ANAPC1: variants seen among roughly 807,000 people sequenced by gnomAD.
The protein encoded by ANAPC1 is anaphase-promoting complex subunit 1.
A neutral mutation model predicts 208.0 loss-of-function variants in ANAPC1; 36 were observed. The observed-to-expected ratio is 0.17, with a 90% CI of 0.13 to 0.23. The LOEUF is 0.23. ANAPC1 is among the 10% of genes least tolerant of loss of function. The pLI is 1.00. For missense variants in ANAPC1, 942 were observed against 2,011.6 expected, an observed-to-expected ratio of 0.47 and a Z score of 10.17; for synonymous variants, 378 against 695.2, an observed-to-expected ratio of 0.54 and a Z score of 7.18.
intron 34 of ANAPC1, among the ~76,000 whole-genome samples, chr2:111,797,910 G>A: frequency 8.5e-6 from 1 of 118,076 alleles, no homozygotes; most frequent in Non-Finnish European, 1.8e-5. Context: ...GTCGATCCAT[G>A]GAAGAGAGGA....
At chr2:111,857,115 G>A (rs1452039993) in intron 11 of ANAPC1, 1 of 460,012 alleles carries the variant, frequency 2.2e-6, no homozygotes, top group Non-Finnish European at 4.0e-6. Context: ...AGATAAAGAT[G>A]TTTTGTATCT....
chr2:111,879,934 CAT>C (rs1462830896), intron 2 of ANAPC1, among the ~76,000 whole-genome samples: 3 of 151,982 alleles, frequency 2.0e-5, no homozygotes, highest in Non-Finnish European at 2.9e-5. Flanking sequence ...CCTTTAGAAA[CAT>C]GTAAATCTTC....
At position 111,867,418 on chromosome 2, in the gene ANAPC1, C is replaced by T. The variant is rs115819032; in HGVS notation, c.685+605G>A. ...ACAGAAGATAAAAAGCAGCTAGGCA[C>T]GGTGGCTCACCCCTGTAATCTCAGA... On this transcript the variant is annotated intron_variant, in intron 7 of 47. Coordinates refer to ENST00000341068, the MANE Select transcript of ANAPC1 (RefSeq NM_022662.4). 3.0e-3 allele frequency among the ~76,000 whole-genome samples: 451 copies of T among 149,986 alleles called. 2 individuals carry two copies. Among genetic ancestry groups the T allele is most frequent in the African/African-American group, 0.01 (411 of 40,908 alleles).
chr2:111,795,390 A>AAT (rs1678112437), intron 34 of ANAPC1, among the ~76,000 whole-genome samples: 1 of 143,050 alleles, frequency 7.0e-6, no homozygotes, highest in Non-Finnish European at 1.5e-5. Context: ...TCAAAAAAAA[A>AAT]AATAATAATA....
At chr2:111,842,408 C>T (rs957423001) in intron 17 of ANAPC1, among the ~76,000 whole-genome samples, 2 of 152,010 alleles carry the variant, frequency 1.3e-5, no homozygotes, top group African/African-American at 4.8e-5. Context: ...CTTTGGGAGG[C>T]TGAGACGGGC....
chr2:111,845,712 C>T (rs1681016742), intron 16 of ANAPC1, among the ~76,000 whole-genome samples: 1 of 152,108 alleles, frequency 6.6e-6, no homozygotes, highest in Non-Finnish European at 1.5e-5. Context: ...CGGTGGCTCA[C>T]GCCTGTAATC....
intron 1 of ANAPC1, among the ~76,000 whole-genome samples, chr2:111,882,162 C>T (rs1438174804): frequency 6.8e-6 from 1 of 147,646 alleles, no homozygotes; most frequent in African/African-American, 2.5e-5. Flanking sequence ...CCAGCCTGGG[C>T]AACAGAGCAA....
At position 111,847,737 on chromosome 2, in the gene ANAPC1, G is replaced by A. The variant is rs1162672694; in HGVS notation, c.1779C>T (p.Asn593=). Residue 593 remains asparagine (N), a synonymous_variant, in exon 15 of 48, where the codon AAC becomes AAT. Coordinates refer to ENST00000341068, the MANE Select transcript of ANAPC1 (RefSeq NM_022662.4). ...YIHSIRDPVH[N]RVTLELSNGS... ...TGTTTATACTTACCAGGGTGACTCTGTTATGGACAGGATCTCTGATAGAAT... is the reference window on the plus strand; with the variant it reads ...TGTTTATACTTACCAGGGTGACTCTATTATGGACAGGATCTCTGATAGAAT... The A allele has an allele frequency of 1.3e-6, 2 of 1,582,724 alleles. No homozygotes were observed. Among genetic ancestry groups the A allele is most frequent in the East Asian group, 4.6e-5 (2 of 43,804 alleles).
chr2:111,808,863 T>C, intron 29 of ANAPC1, 84 bp downstream of exon 29: 2 of 1,481,542 alleles, frequency 1.3e-6, no homozygotes, highest in Non-Finnish European at 1.9e-6. Context: ...CCTTAATTTT[T>C]ATAATTTTAC....
In ANAPC1 at chr2:111,843,024, G is replaced by A. The variant is rs553762420; in HGVS notation, c.2040+388C>T. Among the ~76,000 whole-genome samples, 33 of 152,298 alleles carry A rather than the reference G, an allele frequency of 2.2e-4. No individual in the cohort carries two copies. The South Asian group carries it at 3.9e-3, about 18-fold the overall frequency. Reference sequence around the variant, plus strand: ...GACAATCTTGTCTTCAGAAAACAATGTTAAACAAGGAGTCAGAAGATGCAG... The same window carrying A: ...GACAATCTTGTCTTCAGAAAACAATATTAAACAAGGAGTCAGAAGATGCAG... On this transcript the variant is annotated intron_variant, in intron 17 of 47. Coordinates refer to ENST00000341068, the MANE Select transcript of ANAPC1 (RefSeq NM_022662.4).
intron 9 of ANAPC1, among the ~76,000 whole-genome samples, 163 bp downstream of exon 9, chr2:111,863,511 CA>C (rs372062409): frequency 0.043 from 5,298 of 122,454 alleles, 254 homozygotes; most frequent in African/African-American, 0.12. Flanking sequence ...GACTCCGTCT[CA>C]AAAAAAAAAA....
intron 27 of ANAPC1, among the ~76,000 whole-genome samples, chr2:111,817,641 T>C (rs1262996461): frequency 6.6e-6 from 1 of 151,604 alleles, no homozygotes; most frequent in Non-Finnish European, 1.5e-5. Flanking sequence ...AGCACAAGCT[T>C]TTCACAAATC....
At chr2:111,813,356 A>G (rs1679086959) in intron 28 of ANAPC1, among the ~76,000 whole-genome samples, 1 of 151,742 alleles carries the variant, frequency 6.6e-6, no homozygotes, top group African/African-American at 2.4e-5. Context: ...TGAGGTAGGG[A>G]TATTTTAGCT....
At chr2:111,859,170 C>T (rs1291353198) in intron 10 of ANAPC1, among the ~76,000 whole-genome samples, 1 of 152,114 alleles carries the variant, frequency 6.6e-6, no homozygotes, top group Non-Finnish European at 1.5e-5. Flanking sequence ...ATCTCTAATT[C>T]CCAAACCCTT....
At chr2:111,867,705 C>A (rs1242243844) in intron 7 of ANAPC1, among the ~76,000 whole-genome samples, 4 of 132,110 alleles carry the variant, frequency 3.0e-5, no homozygotes, top group African/African-American at 2.6e-5. Flanking sequence ...AAAAAAAAAA[C>A]CCAAAACAAC....
At chr2:111,773,286 A>G (rs1447878251) in intron 46 of ANAPC1, among the ~76,000 whole-genome samples, 4 of 152,290 alleles carry the variant, frequency 2.6e-5, no homozygotes, top group Non-Finnish European at 4.4e-5. Context: ...AAGCAACTCT[A>G]TTCTTCCTCT....
rs559409127 is a variant in ANAPC1, at chr2:111,840,613, A to G, written c.2041-2101T>C. Among the ~76,000 whole-genome samples, 12 of 152,374 alleles carry G rather than the reference A, an allele frequency of 7.9e-5. No homozygotes were observed. The South Asian group carries it at 2.5e-3, about 32-fold the overall frequency. On this transcript the variant is annotated intron_variant, in intron 17 of 47. Coordinates refer to ENST00000341068, the MANE Select transcript of ANAPC1 (RefSeq NM_022662.4). ...TACTCATCAACAAGTTACAAGGACA[A>G]TGATACACAAAACTACAGAAAGCTG...
intron 18 of ANAPC1, among the ~76,000 whole-genome samples, chr2:111,836,755 G>T (rs1680491288): frequency 6.6e-6 from 1 of 151,648 alleles, no homozygotes; most frequent in African/African-American, 2.4e-5. Flanking sequence ...GATTATTGAG[G>T]CCAGGAGTTT....
intron 10 of ANAPC1, among the ~76,000 whole-genome samples, chr2:111,861,459 C>A (rs1241249332): frequency 1.3e-5 from 2 of 151,988 alleles, no homozygotes; most frequent in African/African-American, 4.8e-5. Context: ...ACCACGCACT[C>A]ACCAGAACTT....
Sources: allele counts gnomAD v4.1 joint callset (sites outside exome capture counted in the v4.1 genomes callset), GRCh38; gene constraint gnomAD v4.1.1; transcripts MANE v1.5; gene names NCBI Gene and HGNC (gene_info 2026-07-23, HGNC 2026-07-21).